TEAD1: variants seen among roughly 807,000 people sequenced by gnomAD.
TEAD1 encodes the protein transcriptional enhancer factor TEF-1.
Under a neutral mutation model 54.9 loss-of-function variants are expected in TEAD1, and 9 were observed. The ratio of observed to expected loss-of-function variants is 0.16; its 90% CI spans 0.10 to 0.29. The LOEUF (loss-of-function observed/expected upper bound fraction) is 0.29, where lower values mean the gene tolerates loss of function less well. Ranked by LOEUF, TEAD1 falls within the 10% of genes least tolerant of loss-of-function variation. TEAD1 has a pLI of 1.00. For missense variants in TEAD1, 387 were observed against 535.9 expected, an observed-to-expected ratio of 0.72 and a Z score of 2.74; for synonymous variants, 200 against 187.8, an observed-to-expected ratio of 1.07 and a Z score of -0.53.
At chr11:12,903,237 C>T (rs1948455015) in intron 10 of TEAD1, among the ~76,000 whole-genome samples, 1 of 152,188 alleles carries the variant, frequency 6.6e-6, no homozygotes, top group Non-Finnish European at 1.5e-5. Context: ...TGGAGCTTGA[C>T]ATCAGATCTG....
At chr11:12,814,291 G>A (rs1030433001) in intron 3 of TEAD1, among the ~76,000 whole-genome samples, 1 of 152,182 alleles carries the variant, frequency 6.6e-6, no homozygotes, top group African/African-American at 2.4e-5. Flanking sequence ...TGGGCCACTG[G>A]GGCAGTGTTT....
chr11:12,857,073 C>G lies in TEAD1; in HGVS notation c.203-5177C>G, dbSNP rs111938046. The stretch of plus-strand genomic sequence containing the variant: ...TCTATCTGGTAAGGCAAGCGCAGTG[C>G]AAACTCCATGCCTTTCTTCTGGGAT... On this transcript the variant is annotated intron_variant, in intron 3 of 12. Coordinates refer to ENST00000527636, the MANE Select transcript of TEAD1 (RefSeq NM_021961.6). Among the ~76,000 whole-genome samples the G allele has an allele frequency of 3.8e-3, 581 of 152,330 alleles. 5 individuals carry two copies. The highest frequency in any genetic ancestry group is 0.013 in the African/African-American group (531 of 41,578).
chr11:12,722,200 G>T (rs1011408407), intron 2 of TEAD1, among the ~76,000 whole-genome samples: 21 of 152,322 alleles, frequency 1.4e-4, no homozygotes, highest in African/African-American at 4.8e-4. Flanking sequence ...CGAAGCTACA[G>T]TGACAAGATG....
chr11:12,709,077 C>A (rs1219098330), intron 2 of TEAD1, among the ~76,000 whole-genome samples: 1 of 152,148 alleles, frequency 6.6e-6, no homozygotes, highest in African/African-American at 2.4e-5. Context: ...GTAGCTCATG[C>A]CTGTAATCCC....
intron 11 of TEAD1, among the ~76,000 whole-genome samples, chr11:12,928,260 T>C (rs552485269): frequency 4.0e-5 from 6 of 151,344 alleles, no homozygotes; most frequent in Non-Finnish European, 8.8e-5. Flanking sequence ...ATAAGTAATA[T>C]TCGTCTATAC....
In TEAD1 at chr11:12,937,328, A is replaced by T; in HGVS notation, c.*106A>T. Reference sequence around the variant, plus strand: ...CGACTGACTGTAAACCTCACCACACAGGGTGGTGCCCTGGCCCCGAGGTCA... The same window carrying T: ...CGACTGACTGTAAACCTCACCACACTGGGTGGTGCCCTGGCCCCGAGGTCA... On this transcript the variant is annotated 3_prime_UTR_variant, in exon 13 of 13. Coordinates refer to ENST00000527636, the MANE Select transcript of TEAD1 (RefSeq NM_021961.6). The T allele has an allele frequency of 2.7e-5, 27 of 983,426 alleles. No homozygotes were observed. Among genetic ancestry groups the T allele is most frequent in the Non-Finnish European group, 4.2e-5 (27 of 638,438 alleles). 60.9% of individuals were successfully genotyped at this position (983,426 alleles called of 1,614,324 possible). A position where few individuals can be genotyped will look rare whatever the true frequency, so the allele number is the denominator to read the frequency against.
chr11:12,906,473 G>T (rs138933978), intron 10 of TEAD1, among the ~76,000 whole-genome samples: 4 of 151,556 alleles, frequency 2.6e-5, no homozygotes, highest in Non-Finnish European at 5.9e-5. Flanking sequence ...CCTGGGAGGC[G>T]GAGGTTGCAG....
At chr11:12,886,120 T>C (rs183180118) in intron 9 of TEAD1, among the ~76,000 whole-genome samples, 56 of 152,232 alleles carry the variant, frequency 3.7e-4, no homozygotes, top group African/African-American at 1.3e-3. Context: ...AGGGAGAGAA[T>C]AAGGGAGCAG....
intron 5 of TEAD1, among the ~76,000 whole-genome samples, chr11:12,873,352 A>G (rs760941549): frequency 1.6e-4 from 24 of 152,214 alleles, no homozygotes; most frequent in Non-Finnish European, 2.9e-4. Context: ...GGAGAGAGTC[A>G]TGAGGCACAC....
intron 10 of TEAD1, among the ~76,000 whole-genome samples, chr11:12,916,519 C>T (rs1445852547): frequency 6.6e-6 from 1 of 152,186 alleles, no homozygotes; most frequent in African/African-American, 2.4e-5. Context: ...TTGTTAATGA[C>T]TGTGAATTTT....
chr11:12,811,387 T>G (rs1399967066), intron 3 of TEAD1, among the ~76,000 whole-genome samples: 1 of 152,206 alleles, frequency 6.6e-6, no homozygotes, highest in African/African-American at 2.4e-5. Flanking sequence ...TCTAAGCTGT[T>G]GGAACAAGAC....
chr11:12,687,380 G>A (rs542561003), intron 2 of TEAD1, among the ~76,000 whole-genome samples: 1 of 152,314 alleles, frequency 6.6e-6, no homozygotes, highest in Non-Finnish European at 1.5e-5. Flanking sequence ...AGGGAAGGCT[G>A]ACAGGCCAGG....
chr11:12,909,703 T>C (rs1033280298), intron 10 of TEAD1, among the ~76,000 whole-genome samples: 1 of 152,206 alleles, frequency 6.6e-6, no homozygotes, highest in Non-Finnish European at 1.5e-5. Flanking sequence ...AGGTTGTGAC[T>C]GGTTATTATC....
chr11:12,876,931 A>G (rs1466356470), intron 5 of TEAD1, among the ~76,000 whole-genome samples: 2 of 152,198 alleles, frequency 1.3e-5, no homozygotes, highest in African/African-American at 4.8e-5. Flanking sequence ...AGCCAACAGT[A>G]GATTGCCTGG....
chr11:12,700,849 G>A (rs190839484), intron 2 of TEAD1, among the ~76,000 whole-genome samples: 208 of 152,240 alleles, frequency 1.4e-3, no homozygotes, highest in African/African-American at 5.0e-3. Context: ...TAGTTCAGTC[G>A]ACTGCTTCTT....
intron 2 of TEAD1, among the ~76,000 whole-genome samples, chr11:12,696,102 C>T (rs1021257338): frequency 1.3e-5 from 2 of 152,198 alleles, no homozygotes; most frequent in African/African-American, 4.8e-5. Flanking sequence ...GCTGTGCCTC[C>T]TTAGAGTGGT....
intron 3 of TEAD1, among the ~76,000 whole-genome samples, chr11:12,826,923 C>T (rs2134011453): frequency 1.3e-5 from 2 of 152,300 alleles, no homozygotes; most frequent in South Asian, 4.1e-4. Context: ...TTCTTCTTGT[C>T]ACTTCAGACA....
chr11:12,816,577 AAGACGTTTTCTTTGGG>A (rs1946421470), intron 3 of TEAD1, among the ~76,000 whole-genome samples: 1 of 152,118 alleles, frequency 6.6e-6, no homozygotes, highest in African/African-American at 2.4e-5. Context: ...GGAGATCAGG[AAGACGTTTTCTTTGGG>A]TGACTTTTTT....
chr11:12,937,116 C>T lies in TEAD1; in HGVS notation c.1175C>T (p.Thr392Ile). The T allele has an allele frequency of 2.5e-6, 4 of 1,612,506 alleles. No homozygotes were observed. Among genetic ancestry groups the T allele is most frequent in the Non-Finnish European group, 3.4e-6 (4 of 1,178,982 alleles). Reference sequence around the variant, plus strand: ...TTTTTTTTATCTTAACAGGTGGTAACAAACAGGGATACACAAGAAACTCTA... The same window carrying T: ...TTTTTTTTATCTTAACAGGTGGTAATAAACAGGGATACACAAGAAACTCTA... The change falls in exon 13 of 13, where the codon ACA (threonine) becomes ATA (isoleucine). Residue 392 changes from threonine to isoleucine, a missense_variant. Transcript: ENST00000527636.
Sources: gnomAD v4.1 joint callset for allele counts (sites outside exome capture counted in the v4.1 genomes callset) on GRCh38, gnomAD v4.1.1 for gene constraint, MANE v1.5 for transcripts, NCBI Gene and HGNC (gene_info 2026-07-23, HGNC 2026-07-21) for gene names.